Variants in COL24A1 observed in about 807,000 individuals in gnomAD.
The protein encoded by COL24A1 is collagen alpha-1(XXIV) chain.
A neutral mutation model predicts 253.9 loss-of-function variants in COL24A1; 224 were observed. The ratio of observed to expected loss-of-function variants is 0.88; its 90% CI spans 0.79 to 0.99. The LOEUF (loss-of-function observed/expected upper bound fraction) is 0.99, where lower values mean the gene tolerates loss of function less well. Ranked by LOEUF, COL24A1 falls within the 50% of genes least tolerant of loss-of-function variation. The probability of loss-of-function intolerance (pLI) is 0.00; values close to 1 mark genes in which losing one functional copy is unlikely to be tolerated. For synonymous variants in COL24A1, 685 were observed against 673.7 expected (o/e 1.02, Z -0.26); for missense variants, 2,131 against 2,068.5 (o/e 1.03, Z -0.59).
chr1:85,830,172 G>A lies in COL24A1; in HGVS notation c.3682-6434C>T, dbSNP rs570832715. ...GACCCTCAGCTGCAGGTCTGTTGGA[G>A]TACCCGGCCGTGTGAGGTGTCAGTC... On this transcript the variant is annotated intron_variant, in intron 43 of 59. Coordinates refer to ENST00000370571, the MANE Select transcript of COL24A1 (RefSeq NM_152890.7). Among the ~76,000 whole-genome samples the A allele has an allele frequency of 3.1e-4, 47 of 152,150 alleles. 1 individual carries two copies. In the East Asian group the frequency reaches 5.2e-3, roughly 17 times the overall value.
chr1:85,870,933 A>C (rs1293792679), intron 35 of COL24A1, among the ~76,000 whole-genome samples: 1 of 152,182 alleles, frequency 6.6e-6, no homozygotes, highest in Non-Finnish European at 1.5e-5. Flanking sequence ...AAGATCAACA[A>C]AATTGATAGA....
At chr1:85,835,352 G>A (rs1351963551) in intron 43 of COL24A1, among the ~76,000 whole-genome samples, 1 of 152,036 alleles carries the variant, frequency 6.6e-6, no homozygotes, top group East Asian at 1.9e-4. Context: ...GGATGGTCTC[G>A]ATCTCCTGAC....
rs982805887 is a variant in COL24A1, at chr1:85,812,516, C to T, written c.3951+4272G>A. On this transcript the variant is annotated intron_variant, in intron 47 of 59. Transcript: ENST00000370571. The stretch of plus-strand genomic sequence containing the variant: ...TACATATAGTTAGAAGGAGAGATGG[C>T]TTGAGATACGGATCTACATTAATTC... Among the ~76,000 whole-genome samples, 4 of 152,244 alleles carry T rather than the reference C, an allele frequency of 2.6e-5. No homozygotes were observed. The East Asian group carries it at 5.8e-4, about 22-fold the overall frequency.
At chr1:85,970,105 A>G in intron 22 of COL24A1, 122 bp downstream of exon 22, 1 of 863,458 alleles carries the variant, frequency 1.2e-6, no homozygotes, top group Non-Finnish European at 1.7e-6. Flanking sequence ...GCATTTTATG[A>G]CTTTAATTTG....
intron 12 of COL24A1, among the ~76,000 whole-genome samples, chr1:86,044,767 A>G (rs1167602351): frequency 6.6e-6 from 1 of 152,170 alleles, no homozygotes; most frequent in African/African-American, 2.4e-5. Flanking sequence ...TTTATAATTC[A>G]TTATAGTAGG....
chr1:85,778,368 GC>G, intron 52 of COL24A1, among the ~76,000 whole-genome samples: 1 of 152,158 alleles, frequency 6.6e-6, no homozygotes, highest in East Asian at 1.9e-4. Context: ...CTCCCAAAGT[GC>G]TGGTAATACA....
intron 28 of COL24A1, among the ~76,000 whole-genome samples, chr1:85,906,277 T>TTTTTTTTTTTTTTTTTTA (rs1684817809): frequency 6.8e-6 from 1 of 147,610 alleles, no homozygotes; most frequent in Admixed American, 6.8e-5. Flanking sequence ...TTTTTTTTTT[T>TTTTTTTTTTTTTTTTTTA]ACCATGGTTA....
chr1:86,083,831 G>T (rs1265986140), intron 7 of COL24A1, among the ~76,000 whole-genome samples: 1 of 152,158 alleles, frequency 6.6e-6, no homozygotes, highest in African/African-American at 2.4e-5. Flanking sequence ...TTACATGCCA[G>T]ACACTGAACT....
chr1:86,088,695 G>A (rs1405447742), intron 7 of COL24A1, among the ~76,000 whole-genome samples: 2 of 152,034 alleles, frequency 1.3e-5, no homozygotes, highest in Non-Finnish European at 2.9e-5. Flanking sequence ...TCAAGACAGA[G>A]ATTATTATTT....
intron 14 of COL24A1, among the ~76,000 whole-genome samples, chr1:86,026,856 T>A (rs1289562584): frequency 6.6e-6 from 1 of 152,154 alleles, no homozygotes; most frequent in African/African-American, 2.4e-5. Flanking sequence ...ATGGCTTTTA[T>A]CAAAATCCTG....
At chr1:85,757,091 G>C (rs930568907) in intron 55 of COL24A1, among the ~76,000 whole-genome samples, 1 of 152,156 alleles carries the variant, frequency 6.6e-6, no homozygotes, top group African/African-American at 2.4e-5. Context: ...TGGGTACAGA[G>C]TTTCAGTTTT....
intron 5 of COL24A1, among the ~76,000 whole-genome samples, chr1:86,097,531 CT>C (rs1557608898): frequency 9.7e-5 from 1 of 10,314 alleles, no homozygotes; most frequent in African/African-American, 2.5e-4. Context: ...TCCCTCCTCC[CT>C]CCTCCTCCCT....
chr1:86,069,802 T>C (rs909456653), intron 7 of COL24A1, among the ~76,000 whole-genome samples: 6 of 152,218 alleles, frequency 3.9e-5, no homozygotes, highest in Admixed American at 2.0e-4. Flanking sequence ...CACAGCGATA[T>C]TGGGCTTGGG....
intron 42 of COL24A1, among the ~76,000 whole-genome samples, chr1:85,839,653 C>T (rs971955030): frequency 6.6e-6 from 1 of 151,858 alleles, no homozygotes; most frequent in Non-Finnish European, 1.5e-5. Context: ...ATCACTTAGC[C>T]CAGGTGTTTG....
intron 29 of COL24A1, 140 bp downstream of exon 29, chr1:85,896,216 A>T: frequency 1.7e-6 from 2 of 1,167,250 alleles, no homozygotes; most frequent in Non-Finnish European, 2.4e-6. Context: ...TGTAGTAAAA[A>T]CTTTATGCGT....
intron 53 of COL24A1, among the ~76,000 whole-genome samples, chr1:85,764,159 T>C (rs552632074): frequency 6.6e-6 from 1 of 152,172 alleles, no homozygotes; most frequent in Non-Finnish European, 1.5e-5. Context: ...CTGAGGAGCT[T>C]CCATTGTAGG....
At chr1:86,078,583 C>G (rs1047232144) in intron 7 of COL24A1, among the ~76,000 whole-genome samples, 1 of 152,036 alleles carries the variant, frequency 6.6e-6, no homozygotes, top group African/African-American at 2.4e-5. Context: ...CAAAACAAAA[C>G]CTATTAGAAC....
chr1:85,818,088 C>T lies in COL24A1; in HGVS notation c.3790-1G>A, dbSNP rs751063312. 3 of 1,612,944 alleles carry T rather than the reference C, an allele frequency of 1.9e-6. No individual in the cohort carries two copies. Among genetic ancestry groups the T allele is most frequent in the South Asian group, 1.1e-5 (1 of 91,036 alleles). Reference sequence around the variant, plus strand: ...GAGCTCCTTTTTTCCCCTTATTACCCTAAAGATGGAAAGCACAGTTGTCAA... The same window carrying T: ...GAGCTCCTTTTTTCCCCTTATTACCTTAAAGATGGAAAGCACAGTTGTCAA... On this transcript the variant is annotated splice_acceptor_variant, in intron 45 of 59. Coordinates refer to ENST00000370571, the MANE Select transcript of COL24A1 (RefSeq NM_152890.7). LOFTEE classifies it high-confidence loss of function.
chr1:85,792,130 A>C (rs747712807), intron 47 of COL24A1, among the ~76,000 whole-genome samples: 119 of 152,240 alleles, frequency 7.8e-4, no homozygotes, highest in South Asian at 1.7e-3. Context: ...GCAAATACTA[A>C]AATTTATTCA....
Sources: allele counts gnomAD v4.1 joint callset (sites outside exome capture counted in the v4.1 genomes callset), GRCh38; gene constraint gnomAD v4.1.1; transcripts MANE v1.5; gene names NCBI Gene and HGNC (gene_info 2026-07-23, HGNC 2026-07-21).